The following RBM25 variants were observed in gnomAD, a reference collection of about 807,000 sequenced individuals.
RBM25 encodes RNA binding motif protein 25.
RBM25 carries 19 observed loss-of-function variants against 120.7 expected under a neutral mutation model. That is an observed-to-expected ratio of 0.16 (90% CI 0.11 to 0.23). The LOEUF is 0.23. Ranked by LOEUF, RBM25 falls within the 10% of genes least tolerant of loss-of-function variation. The pLI is 1.00. For missense variants in RBM25, 605 were observed against 1,041.5 expected (o/e 0.58, Z 5.77); for synonymous variants, 390 against 326.7 (o/e 1.19, Z -2.09).
chr14:73,114,126 T>C (rs1328006842), intron 17 of RBM25, among the ~76,000 whole-genome samples, 160 bp from the exon 18 acceptor site: 1 of 151,718 alleles, frequency 6.6e-6, no homozygotes, highest in Non-Finnish European at 1.5e-5. Context: ...GGTGCCTCTT[T>C]CGTTGAAGAA....
At chr14:73,102,899 C>T (rs942037005) in intron 9 of RBM25, 11 of 309,088 alleles carry the variant, frequency 3.6e-5, no homozygotes, top group Non-Finnish European at 6.4e-5. Context: ...CCACCACATT[C>T]TTCATGGTCA....
chr14:73,088,336 AG>A, intron 6 of RBM25, 175 bp downstream of exon 6: 2 of 832,920 alleles, frequency 2.4e-6, no homozygotes, highest in Non-Finnish European at 3.9e-6. Flanking sequence ...ATCTGCCCAT[AG>A]TGGGTGGATG....
chr14:73,077,492 A>G lies in RBM25; in HGVS notation c.280A>G (p.Ile94Val). 6.2e-7 allele frequency: 1 copy of G among 1,614,014 alleles called. No individual in the cohort carries two copies. Among genetic ancestry groups the G allele is most frequent in the Non-Finnish European group, 8.5e-7 (1 of 1,179,982 alleles). The part of the protein sequence containing the change: ...GPTTTVFVGN[I>V]SEKASDMLIR... The stretch of plus-strand genomic sequence containing the variant: ...TACTACCACTGTTTTTGTTGGCAAC[A>G]TTTCCGAGAAAGCTTCAGACATGCT... Residue 94 changes from isoleucine (I) to valine (V), a missense_variant, in exon 4 of 19, where the codon ATT (isoleucine) becomes GTT (valine). Ile to Val is a conservative substitution (Grantham distance 29). This residue lies in a region of RBM25 where 27 missense variants were observed against 109.4 expected (regional missense o/e 0.25). Transcript: ENST00000261973.
intron 1 of RBM25, chr14:73,069,829 CT>C (rs781508621): frequency 0.35 from 31,089 of 88,008 alleles, 3,773 homozygotes; most frequent in Non-Finnish European, 0.42. Context: ...TTTTTTCTTT[CT>C]TTTTTTTTTT....
chr14:73,111,532 T>G lies in RBM25; in HGVS notation c.2022T>G (p.Ala674=). ...PKIGLSLKLG[A]SNSPGQPNSV... is the part of the protein sequence containing the mutation. ...AAGAGAGTGTTTTTACTGTAGGTGCTTCCAATAGTCCTGGTCAGCCTAATT... is the reference window on the plus strand; with the variant it reads ...AAGAGAGTGTTTTTACTGTAGGTGCGTCCAATAGTCCTGGTCAGCCTAATT... The change falls in exon 16 of 19, where the codon GCT becomes GCG. Residue 674 remains alanine (A), a synonymous_variant. Coordinates refer to ENST00000261973, the MANE Select transcript of RBM25 (RefSeq NM_021239.3). 6.3e-7 allele frequency: 1 copy of G among 1,590,060 alleles called. No homozygotes were observed. The highest frequency in any genetic ancestry group is 1.9e-5 in the Admixed American group (1 of 53,758).
intron 16 of RBM25, 25 bp downstream of exon 16, chr14:73,111,827 A>G (rs746991325): frequency 8.4e-6 from 13 of 1,552,688 alleles, no homozygotes; most frequent in Admixed American, 2.1e-5. Flanking sequence ...ATATTTCATC[A>G]TATTATTGGG....
At position 73,120,004 on chromosome 14, in the gene RBM25, C is replaced by T; in HGVS notation, c.*199C>T. 1.6e-6 allele frequency: 1 copy of T among 644,882 alleles called. No homozygotes were observed. Among genetic ancestry groups the T allele is most frequent in the Non-Finnish European group, 2.3e-6 (1 of 437,144 alleles). The allele number at this position is 644,882 out of a possible 1,614,324, so 39.9% of individuals were successfully genotyped here. On this transcript the variant is annotated 3_prime_UTR_variant, in exon 19 of 19. Transcript: ENST00000261973. ...TAAAGTCATCTGAATCCTTGGTTCT[C>T]TTTATACTCACCAGGTACAAATTAC...
intron 13 of RBM25, 160 bp from the exon 14 acceptor site, chr14:73,109,182 A>G (rs1896253092): frequency 4.5e-6 from 3 of 666,456 alleles, no homozygotes; most frequent in African/African-American, 1.8e-5. Context: ...ACATGTAGAG[A>G]GCACACTCTG....
At chr14:73,108,897 C>CT (rs1446406369) in intron 13 of RBM25, among the ~76,000 whole-genome samples, 1 of 152,180 alleles carries the variant, frequency 6.6e-6, no homozygotes, top group Non-Finnish European at 1.5e-5. Flanking sequence ...CCTCTGCTTT[C>CT]TGTTGATTCT....
At chr14:73,113,697 T>TA (rs1023467436) in intron 17 of RBM25, among the ~76,000 whole-genome samples, 9 of 149,976 alleles carry the variant, frequency 6.0e-5, no homozygotes, top group East Asian at 4.0e-4. Flanking sequence ...TGTCTCAAAA[T>TA]AAAAAAAAAG....
intron 18 of RBM25, among the ~76,000 whole-genome samples, chr14:73,115,195 G>T (rs1896401761): frequency 7.4e-6 from 1 of 135,654 alleles, no homozygotes; most frequent in African/African-American, 3.1e-5. Flanking sequence ...TGTGTTTTAA[G>T]TCGGATACAT....
In RBM25 at chr14:73,062,860, G is replaced by A. The variant is rs561101931; in HGVS notation, c.-16+4155G>A. Among the ~76,000 whole-genome samples, 34 of 151,260 alleles carry A rather than the reference G, an allele frequency of 2.2e-4. 2 individuals carry two copies. Among genetic ancestry groups the A allele is most frequent in the Admixed American group, 1.5e-3 (23 of 15,154 alleles). ...AATTTTTGGGGGGCCTCACTCTGTC[G>A]CCCAGGCTTGAGTGCAGTGGTGTGA... On this transcript the variant is annotated intron_variant, in intron 1 of 18. Coordinates refer to ENST00000261973, the MANE Select transcript of RBM25 (RefSeq NM_021239.3).
chr14:73,112,269 TC>T lies in RBM25; in HGVS notation c.2391+21del, dbSNP rs2140463315. 1.3e-6 allele frequency: 2 copies of T among 1,542,786 alleles called. No individual in the cohort carries two copies. Among genetic ancestry groups the T allele is most frequent in the Non-Finnish European group, 1.7e-6 (2 of 1,154,830 alleles). ...TTCTAAGGTTAGTCTTCTATTCTCT[TC>T]CATGCCAGCATTTATTTTATATATT... is the stretch of plus-strand genomic sequence containing the variant. On this transcript the variant is annotated intron_variant, in intron 17 of 18. Transcript: ENST00000261973.
intron 1 of RBM25, among the ~76,000 whole-genome samples, chr14:73,065,918 A>AT (rs940080850): frequency 2.0e-5 from 3 of 152,184 alleles, no homozygotes; most frequent in African/African-American, 7.2e-5. Flanking sequence ...GGTTTTAAAA[A>AT]TGAGTTCATG....
chr14:73,117,297 T>A (rs192739313), intron 18 of RBM25, among the ~76,000 whole-genome samples: 1 of 141,808 alleles, frequency 7.1e-6, no homozygotes, highest in East Asian at 2.2e-4. Context: ...AGTGGCGCGA[T>A]CTTGGCTCAC....
chr14:73,097,523 C>T (rs1367754527), intron 7 of RBM25, among the ~76,000 whole-genome samples: 1 of 152,024 alleles, frequency 6.6e-6, no homozygotes, highest in Non-Finnish European at 1.5e-5. Context: ...TTTACAGAGA[C>T]AAGGTCTCAC....
chr14:73,119,584 CT>C, intron 18 of RBM25, 128 bp from the exon 19 acceptor site: 1 of 1,499,568 alleles, frequency 6.7e-7, no homozygotes, highest in East Asian at 2.4e-5. Flanking sequence ...ACCTTAAAAT[CT>C]TAACTAGCAT....
At chr14:73,078,259 C>T (rs866941220) in intron 4 of RBM25, among the ~76,000 whole-genome samples, 13 of 151,600 alleles carry the variant, frequency 8.6e-5, no homozygotes, top group South Asian at 2.1e-4. Context: ...GCTGAGGTCG[C>T]GCTACTGCAC....
At chr14:73,099,990 A>C (rs1451322078) in intron 9 of RBM25, 1 of 511,126 alleles carries the variant, frequency 2.0e-6, no homozygotes, top group African/African-American at 2.0e-5. Flanking sequence ...TTTAATATGA[A>C]TAGAAGCTAA....
Sources: allele counts gnomAD v4.1 joint callset (sites outside exome capture counted in the v4.1 genomes callset), GRCh38; gene constraint gnomAD v4.1.1; regional missense constraint gnomAD v4.1.1; transcripts MANE v1.5; gene names NCBI Gene and HGNC (gene_info 2026-07-23, HGNC 2026-07-21).